Variants in ALG9 observed in about 807,000 individuals in gnomAD.
ALG9 encodes ALG9 alpha-1,2-mannosyltransferase, also known as alpha-1,2-mannosyltransferase ALG9.
In ALG9, 55 loss-of-function variants were observed where a neutral mutation model predicts 81.8. The ratio of observed to expected loss-of-function variants is 0.67; its 90% confidence interval spans 0.54 to 0.84. The LOEUF (loss-of-function observed/expected upper bound fraction) is 0.84. Ranked by LOEUF, ALG9 falls within the 40% of genes least tolerant of loss-of-function variation. The probability of loss-of-function intolerance (pLI) is 0.00; values close to 1 mark genes in which losing one functional copy is unlikely to be tolerated. For synonymous variants in ALG9, 278 were observed against 274.3 expected (o/e 1.01, Z -0.13); for missense variants, 629 against 745.0 (o/e 0.84, Z 1.81).
chr11:111,820,563 A>C (rs1232341262), intron 13 of ALG9, among the ~76,000 whole-genome samples: 1 of 152,190 alleles, frequency 6.6e-6, no homozygotes, highest in Non-Finnish European at 1.5e-5. Flanking sequence ...CCACCTCCTA[A>C]CACTGACAAA....
the ALG9 span, among the ~76,000 whole-genome samples, chr11:111,774,410 G>T: frequency 6.6e-6 from 1 of 152,060 alleles, no homozygotes; most frequent in Non-Finnish European, 1.5e-5. Flanking sequence ...AAAAGGCAAG[G>T]GCCAGAATAG....
intron 13 of ALG9, among the ~76,000 whole-genome samples, chr11:111,833,534 C>T (rs990170786): frequency 2.0e-5 from 3 of 152,202 alleles, no homozygotes; most frequent in African/African-American, 7.2e-5. Flanking sequence ...AGTCATACAA[C>T]TTTCCTCGTT....
At position 111,782,707 on chromosome 11, in the gene ALG9, A is replaced by G. The variant is rs1357678166; in HGVS notation, c.*3690T>C. ...TTCTTATTTCAATAAATCCCAGGAA[A>G]TGCAAAACACAATAAATGATTGCCA... On this transcript the variant is annotated 3_prime_UTR_variant, in exon 15 of 15. Transcript: ENST00000616540. 6.6e-6 allele frequency: 1 copy of G among 152,226 alleles called. No individual in the cohort carries two copies. The highest frequency in any genetic ancestry group is 1.5e-5 in the Non-Finnish European group (1 of 68,044). 9.4% of individuals were successfully genotyped at this position (152,226 alleles called of 1,614,324 possible). A position where few individuals can be genotyped will look rare whatever the true frequency, so the allele number is the denominator to read the frequency against.
At chr11:111,863,622 A>ATATATT (rs1961158490) in intron 4 of ALG9, among the ~76,000 whole-genome samples, 1 of 152,244 alleles carries the variant, frequency 6.6e-6, no homozygotes, top group African/African-American at 2.4e-5. Context: ...ATATTACTAA[A>ATATATT]GCATTATTAA....
intron 8 of ALG9, chr11:111,845,378 A>G (rs1956802766): frequency 6.5e-6 from 1 of 152,872 alleles, no homozygotes; most frequent in South Asian, 2.1e-4. Context: ...TGCTTGTCCC[A>G]TTTACATTCT....
downstream of ALG9, among the ~76,000 whole-genome samples, chr11:111,780,027 C>T (rs1231907205): frequency 6.6e-6 from 1 of 152,154 alleles, no homozygotes; most frequent in Non-Finnish European, 1.5e-5. Context: ...TTTAAAATAT[C>T]CCTTGCTACT....
At chr11:111,771,873 T>C in the ALG9 span, among the ~76,000 whole-genome samples, 1 of 152,260 alleles carries the variant, frequency 6.6e-6, no homozygotes, top group Admixed American at 6.5e-5. Flanking sequence ...ATTTTAGCCT[T>C]CTTTTTCTTC....
At chr11:111,860,226 T>C (rs1366065171) in intron 5 of ALG9, among the ~76,000 whole-genome samples, 1 of 152,194 alleles carries the variant, frequency 6.6e-6, no homozygotes. Context: ...ATAGAAAACA[T>C]CCTGGTGAGA....
intron 3 of ALG9, among the ~76,000 whole-genome samples, chr11:111,867,988 T>C (rs1390335536): frequency 6.6e-6 from 1 of 152,140 alleles, no homozygotes; most frequent in African/African-American, 2.4e-5. Context: ...CTCAAAGACC[T>C]GGGGGACTAA....
intron 14 of ALG9, among the ~76,000 whole-genome samples, chr11:111,799,608 G>A (rs1555078708): frequency 2.6e-5 from 4 of 152,134 alleles, no homozygotes; most frequent in African/African-American, 9.7e-5. Context: ...AATCCACATA[G>A]TAAATGGACT....
chr11:111,824,757 A>G (rs546409969), intron 13 of ALG9, among the ~76,000 whole-genome samples: 1 of 152,330 alleles, frequency 6.6e-6, no homozygotes, highest in South Asian at 2.1e-4. Flanking sequence ...AGTTATTTTC[A>G]TCACCCATTC....
chr11:111,831,116 C>T (rs1954292727), intron 13 of ALG9, among the ~76,000 whole-genome samples: 1 of 152,206 alleles, frequency 6.6e-6, no homozygotes, highest in Non-Finnish European at 1.5e-5. Context: ...TCTCGGCTGA[C>T]TGCAACCTCC....
chr11:111,862,046 T>C (rs1301812452), intron 4 of ALG9, among the ~76,000 whole-genome samples: 4 of 152,154 alleles, frequency 2.6e-5, no homozygotes, highest in African/African-American at 9.7e-5. Context: ...ACACTAATTT[T>C]TTATGTATCT....
In ALG9 at chr11:111,868,681, T is replaced by C. The variant is rs782251524; in HGVS notation, c.326A>G (p.Tyr109Cys). The C allele has an allele frequency of 8.7e-6, 14 of 1,613,764 alleles. No individual in the cohort carries two copies. Among genetic ancestry groups the C allele is most frequent in the African/African-American group, 2.7e-5 (2 of 74,920 alleles). ...GFQTWEYSPAYAIRSYAYLLL... is the reference protein window; with the variant it reads ...GFQTWEYSPACAIRSYAYLLL... ...CAGGTAAGCATAGGAGCGAATGGCA[T>C]ATGCTGGGGAATATTCCCAAGTCTG... The change falls in exon 3 of 15, where the codon TAT becomes TGT. Residue 109 changes from tyrosine (Y) to cysteine (C), a missense_variant. Tyr to Cys is a radical substitution (Grantham distance 194). This residue lies in a region of ALG9 where 344 missense variants were observed against 390.5 expected (regional missense o/e 0.88). Transcript: ENST00000616540.
chr11:111,806,874 G>A (rs936116128), intron 14 of ALG9, among the ~76,000 whole-genome samples: 3 of 152,112 alleles, frequency 2.0e-5, no homozygotes, highest in Non-Finnish European at 4.4e-5. Context: ...TCTACTTGCA[G>A]TCTCTCCCAT....
At chr11:111,810,743 G>T (rs1468825611) in intron 13 of ALG9, among the ~76,000 whole-genome samples, 1 of 152,136 alleles carries the variant, frequency 6.6e-6, no homozygotes, top group Admixed American at 6.6e-5. Flanking sequence ...GCAAAAGAGA[G>T]ACCTGCTTCA....
chr11:111,855,569 T>C (rs1166207778), intron 6 of ALG9, among the ~76,000 whole-genome samples: 1 of 152,086 alleles, frequency 6.6e-6, no homozygotes, highest in Non-Finnish European at 1.5e-5. Flanking sequence ...TCACAGACAA[T>C]TTTCAGGTTT....
chr11:111,824,499 G>A (rs1193089936), intron 13 of ALG9, among the ~76,000 whole-genome samples: 1 of 152,102 alleles, frequency 6.6e-6, no homozygotes, highest in Non-Finnish European at 1.5e-5. Flanking sequence ...AACTTATGAT[G>A]GACAATATCA....
At chr11:111,848,353 C>T (rs995149853) in intron 8 of ALG9, among the ~76,000 whole-genome samples, 2 of 152,030 alleles carry the variant, frequency 1.3e-5, no homozygotes, top group African/African-American at 4.8e-5. Flanking sequence ...GCTACCTAGC[C>T]AGGAAAGTGT....
Sources: allele counts gnomAD v4.1 joint callset (sites outside exome capture counted in the v4.1 genomes callset), GRCh38; gene constraint gnomAD v4.1.1; regional missense constraint gnomAD v4.1.1; transcripts MANE v1.5; gene names NCBI Gene and HGNC (gene_info 2026-07-23, HGNC 2026-07-21).